The following SERPINB7 variants were observed in gnomAD, a reference collection of about 807,000 sequenced individuals.
SERPINB7 encodes the protein serpin B7.
A neutral mutation model predicts 37.4 loss-of-function variants in SERPINB7; 31 were observed. That is an observed-to-expected ratio of 0.83 (90% CI 0.62 to 1.12). The LOEUF (loss-of-function observed/expected upper bound fraction) is 1.12. Ranked by LOEUF, SERPINB7 falls within the 50% of genes most tolerant of loss-of-function variation. The pLI, the probability that SERPINB7 is intolerant of heterozygous loss-of-function variation, is 0.00. For missense variants in SERPINB7, 521 were observed against 455.3 expected, an observed-to-expected ratio of 1.14 and a Z score of -1.31; for synonymous variants, 163 against 166.1, an observed-to-expected ratio of 0.98 and a Z score of 0.14.
chr18:63,782,473 G>C lies in SERPINB7; in HGVS notation c.101G>C (p.Ser34Thr). The change falls in exon 2 of 8, where the codon AGC becomes ACC. Residue 34 changes from serine (S) to threonine (T), a missense_variant. Transcript: ENST00000398019. Reference sequence around the variant, plus strand: ...GGAAATGTGTTCTTTTCCTCTCTGAGCCTCTTCGCTGCCCTGGCCCTGGTC... The same window carrying C: ...GGAAATGTGTTCTTTTCCTCTCTGACCCTCTTCGCTGCCCTGGCCCTGGTC... ...GNGNVFFSSLSLFAALALVRL... is the reference protein window; with the variant it reads ...GNGNVFFSSLTLFAALALVRL... 6.2e-7 allele frequency: 1 copy of C among 1,614,154 alleles called. No homozygotes were observed. The highest frequency in any genetic ancestry group is 8.5e-7 in the Non-Finnish European group (1 of 1,179,998).
chr18:63,792,781 T>C (rs2049443077), intron 3 of SERPINB7, among the ~76,000 whole-genome samples: 1 of 152,224 alleles, frequency 6.6e-6, no homozygotes, highest in Non-Finnish European at 1.5e-5. Context: ...ATTTACTTGT[T>C]ATTTATTACT....
intron 2 of SERPINB7, among the ~76,000 whole-genome samples, chr18:63,785,736 T>A (rs1302051048): frequency 6.6e-6 from 1 of 151,520 alleles, no homozygotes; most frequent in Non-Finnish European, 1.5e-5. Flanking sequence ...TTTTGTTTTT[T>A]TTGTGTGTGT....
intron 6 of SERPINB7, 40 bp from the exon 7 acceptor site, chr18:63,800,826 A>T: frequency 6.2e-7 from 1 of 1,605,446 alleles, no homozygotes; most frequent in Non-Finnish European, 8.5e-7. Context: ...AAGTAAAATG[A>T]GGTGGGATCA....
At position 63,790,745 on chromosome 18, in the gene SERPINB7, T is replaced by A. The variant is rs116599751; in HGVS notation, c.169-1648T>A. ...GGGAGGGAAGGGGAGAAAGAAAGAGTTTTAAGTGTTCATATGGATTTGACC... is the reference window on the plus strand; with the variant it reads ...GGGAGGGAAGGGGAGAAAGAAAGAGATTTAAGTGTTCATATGGATTTGACC... On this transcript the variant is annotated intron_variant, in intron 2 of 7. Coordinates refer to ENST00000398019, the MANE Select transcript of SERPINB7 (RefSeq NM_003784.4). 1.4e-3 allele frequency among the ~76,000 whole-genome samples: 211 copies of A among 151,362 alleles called. 2 individuals are homozygous for A. The highest frequency in any genetic ancestry group is 5.0e-3 in the African/African-American group (208 of 41,224).
At chr18:63,772,282 G>A (rs1378154001), upstream of SERPINB7, among the ~76,000 whole-genome samples, 1 of 151,784 alleles carries the variant, frequency 6.6e-6, no homozygotes, top group African/African-American at 2.4e-5. Flanking sequence ...TTACTTTCAA[G>A]GCCACTGAAT....
chr18:63,770,895 ACACACT>A (rs1485909946), upstream of SERPINB7, among the ~76,000 whole-genome samples: 1 of 151,568 alleles, frequency 6.6e-6, no homozygotes, highest in Non-Finnish European at 1.5e-5. Flanking sequence ...ACACACACAC[ACACACT>A]CACTCACACA....
intron 1 of SERPINB7, among the ~76,000 whole-genome samples, chr18:63,777,382 G>A (rs2049259032): frequency 6.6e-6 from 1 of 151,944 alleles, no homozygotes; most frequent in Admixed American, 6.6e-5. Context: ...ATTCCAGGTG[G>A]GGCTCGGTCA....
chr18:63,763,557 G>T (rs982939897), intron 1 of SERPINB7, among the ~76,000 whole-genome samples: 6 of 151,932 alleles, frequency 3.9e-5, no homozygotes, highest in Admixed American at 2.6e-4. Flanking sequence ...ATTTGGTAGT[G>T]GTCAAATTCA....
At chr18:63,801,620 G>C (rs1025279815) in intron 7 of SERPINB7, among the ~76,000 whole-genome samples, 1 of 152,116 alleles carries the variant, frequency 6.6e-6, no homozygotes, top group East Asian at 1.9e-4. Context: ...GGTGGGCAGC[G>C]GTCTAGGGAA....
intron 7 of SERPINB7, among the ~76,000 whole-genome samples, chr18:63,802,912 A>G (rs2049565438): frequency 6.6e-6 from 1 of 152,226 alleles, no homozygotes; most frequent in Admixed American, 6.5e-5. Flanking sequence ...TAAAATTGGT[A>G]CTATTAAATC....
At chr18:63,772,751 C>A (rs2049218386), upstream of SERPINB7, among the ~76,000 whole-genome samples, 1 of 152,088 alleles carries the variant, frequency 6.6e-6, no homozygotes, top group South Asian at 2.1e-4. Flanking sequence ...AATAGTGATT[C>A]TTCAAGAATT....
chr18:63,788,090 T>C (rs1199733970), intron 2 of SERPINB7, among the ~76,000 whole-genome samples: 1 of 152,260 alleles, frequency 6.6e-6, no homozygotes, highest in East Asian at 1.9e-4. Flanking sequence ...TACAACAGTA[T>C]ACTTTTAGTA....
At chr18:63,795,315 C>T (rs935947532) in intron 4 of SERPINB7, among the ~76,000 whole-genome samples, 1 of 152,080 alleles carries the variant, frequency 6.6e-6, no homozygotes, top group African/African-American at 2.4e-5. Flanking sequence ...AATCCCAGCA[C>T]TTTGGGAGGC....
At chr18:63,803,581 G>C (rs2049572788) in intron 7 of SERPINB7, among the ~76,000 whole-genome samples, 1 of 152,168 alleles carries the variant, frequency 6.6e-6, no homozygotes, top group Admixed American at 6.5e-5. Context: ...AGAGAGATAA[G>C]GACTCTTCTA....
intron 1 of SERPINB7, among the ~76,000 whole-genome samples, chr18:63,781,173 G>A (rs1158104312): frequency 1.3e-5 from 2 of 152,046 alleles, no homozygotes; most frequent in East Asian, 3.9e-4. Context: ...CTCCCTCCTT[G>A]TGACCCCCTT....
intron 7 of SERPINB7, among the ~76,000 whole-genome samples, chr18:63,803,528 A>G (rs976651341): frequency 1.3e-5 from 2 of 152,166 alleles, no homozygotes; most frequent in African/African-American, 4.8e-5. Context: ...AGAGCTGGTG[A>G]ATTGGCTTTG....
At chr18:63,759,147 A>C (rs934868808) in intron 1 of SERPINB7, among the ~76,000 whole-genome samples, 6 of 151,940 alleles carry the variant, frequency 3.9e-5, no homozygotes, top group African/African-American at 9.7e-5. Context: ...GATGTATCCT[A>C]TCCTATCTTA....
intron 1 of SERPINB7, among the ~76,000 whole-genome samples, chr18:63,777,340 C>G (rs2049258776): frequency 6.6e-6 from 1 of 152,002 alleles, no homozygotes; most frequent in Admixed American, 6.6e-5. Flanking sequence ...TCCTCTATGA[C>G]AGTTGAATTT....
At chr18:63,765,671 G>A (rs1043180873) in intron 1 of SERPINB7, among the ~76,000 whole-genome samples, 2 of 151,872 alleles carry the variant, frequency 1.3e-5, no homozygotes, top group Non-Finnish European at 2.9e-5. Flanking sequence ...TTCCTCTCCT[G>A]CTCATATACT....
Sources: gnomAD v4.1 joint callset for allele counts (sites outside exome capture counted in the v4.1 genomes callset) on GRCh38, gnomAD v4.1.1 for gene constraint, MANE v1.5 for transcripts, NCBI Gene and HGNC (gene_info 2026-07-23, HGNC 2026-07-21) for gene names.